The following NBPF11 variants were observed in gnomAD, a reference collection of about 807,000 sequenced individuals.
NBPF11 encodes the protein NBPF member 11, also known as NBPF family member NBPF11.
A neutral mutation model predicts 93.9 loss-of-function variants in NBPF11; 72 were observed. The observed-to-expected ratio is 0.77, with a 90% CI of 0.63 to 0.93. The LOEUF (loss-of-function observed/expected upper bound fraction) is 0.93. Ranked by LOEUF, NBPF11 falls within the 40% of genes least tolerant of loss-of-function variation. NBPF11 has a pLI of 0.00. For missense variants in NBPF11, 705 were observed against 802.2 expected, an observed-to-expected ratio of 0.88 and a Z score of 1.46; for synonymous variants, 224 against 304.9, an observed-to-expected ratio of 0.73 and a Z score of 2.76.
intron 11 of NBPF11, among the ~76,000 whole-genome samples, chr1:148,118,361 T>G (rs1371015744): frequency 5.3e-5 from 8 of 151,808 alleles, no homozygotes; most frequent in South Asian, 4.1e-4. Flanking sequence ...CTCCTTTGGT[T>G]AATTTTGTGT....
rs1662823687 is a variant in NBPF11 at position 148,103,716 on chromosome 1, T to C, written c.*180A>G. The C allele has an allele frequency of 5.0e-6, 8 of 1,611,412 alleles. No homozygotes were observed. Among genetic ancestry groups the C allele is most frequent in the Non-Finnish European group, 6.8e-6 (8 of 1,179,348 alleles). On this transcript the variant is annotated 3_prime_UTR_variant, in exon 24 of 24. Coordinates refer to ENST00000682118, the MANE Select transcript of NBPF11 (RefSeq NM_001385469.3). ...ATCTGGAAGACCAGGTGGAGACTTC[T>C]CACCGTCAAAGTAAAAAACCTATTG... is the stretch of plus-strand genomic sequence containing the variant.
intron 20 of NBPF11, among the ~76,000 whole-genome samples, 176 bp downstream of exon 20, chr1:148,106,766 A>G (rs1663738396): frequency 6.7e-6 from 1 of 148,258 alleles, no homozygotes; most frequent in Admixed American, 6.8e-5. Context: ...TCACTGACCC[A>G]TTTCATGTCT....
chr1:148,123,232 C>G (rs1402685937), intron 7 of NBPF11, among the ~76,000 whole-genome samples: 1 of 152,062 alleles, frequency 6.6e-6, no homozygotes, highest in Non-Finnish European at 1.5e-5. Context: ...ACAGGCCCTC[C>G]ATGTGGCTTC....
At position 148,107,007 on chromosome 1, in the gene NBPF11, T is replaced by C; in HGVS notation, c.2186A>G (p.Gln729Arg). The C allele has an allele frequency of 2.8e-6, 2 of 705,748 alleles. No homozygotes were observed. Among genetic ancestry groups the C allele is most frequent in the South Asian group, 1.5e-5 (1 of 67,042 alleles). The allele number at this position is 705,748 out of a possible 1,614,324, so 43.7% of individuals were successfully genotyped here. Residue 729 changes from glutamine to arginine, a missense_variant, in exon 20 of 24, where the codon CAG becomes CGG. Physicochemically the swap from Gln to Arg is conservative, Grantham distance 43. This residue lies in a region of NBPF11 where 5 missense variants were observed against 30.0 expected (regional missense o/e 0.17). Coordinates refer to ENST00000682118, the MANE Select transcript of NBPF11 (RefSeq NM_001385469.3). ...SGYLELPDLG[Q>R]PYRSAVYSLE... ...TGAGTAAACAGCACTTCTGTAGGGC[T>C]GGCCTAAGTCAGGCAGTTCAAGATA... is the stretch of plus-strand genomic sequence containing the variant.
At chr1:148,116,922 C>A (rs1421492292) in intron 12 of NBPF11, among the ~76,000 whole-genome samples, 5 of 152,190 alleles carry the variant, frequency 3.3e-5, no homozygotes, top group Non-Finnish European at 1.5e-5. Context: ...GCAAACTTGT[C>A]CCACAGTCCT....
At chr1:148,104,002 G>A (rs1278821107) in intron 23 of NBPF11, 90 bp from the exon 24 acceptor site, 3 of 1,607,970 alleles carry the variant, frequency 1.9e-6, no homozygotes, top group Admixed American at 1.7e-5. Flanking sequence ...TAAGGAAGTG[G>A]TTGGAAAAGA....
intron 15 of NBPF11, among the ~76,000 whole-genome samples, chr1:148,111,354 G>T (rs1229131807): frequency 2.6e-5 from 4 of 151,998 alleles, no homozygotes; most frequent in Non-Finnish European, 5.9e-5. Context: ...TCCTCCAAAG[G>T]ATCGCAGCTC....
chr1:148,140,110 G>A (rs1392805305), intron 2 of NBPF11, among the ~76,000 whole-genome samples: 5 of 151,886 alleles, frequency 3.3e-5, no homozygotes, highest in African/African-American at 9.7e-5. Flanking sequence ...AAAAGAATAC[G>A]GAGCCCAGAA....
chr1:148,146,910 C>A, intron 1 of NBPF11: 2 of 1,612,228 alleles, frequency 1.2e-6, no homozygotes, highest in Non-Finnish European at 1.7e-6. Flanking sequence ...CCTGGCAGGC[C>A]CTGCGCACCA....
intron 19 of NBPF11, among the ~76,000 whole-genome samples, 199 bp from the exon 20 acceptor site, chr1:148,107,313 GGAGA>G (rs1190300045): frequency 1.3e-5 from 2 of 148,406 alleles, no homozygotes; most frequent in African/African-American, 2.5e-5. Context: ...ACAGGGAGAG[GGAGA>G]GAGAGAGAGA....
At position 148,143,488 on chromosome 1, in the gene NBPF11, T is replaced by C. The variant is rs1253221817; in HGVS notation, c.-350A>G. ...CTCTTGGTGCACTGAATGGGTAAGT[T>C]TCTACATCGGTGCCTCGGAGAGTCC... On this transcript the variant is annotated 5_prime_UTR_variant, in exon 2 of 24. Coordinates refer to ENST00000682118, the MANE Select transcript of NBPF11 (RefSeq NM_001385469.3). The C allele has an allele frequency of 7.9e-4, 612 of 769,868 alleles. 18 individuals carry two copies. The African/African-American group carries it at 0.011, about 14-fold the overall frequency. The allele number at this position is 769,868 out of a possible 1,614,324, so 47.7% of individuals were successfully genotyped here.
At chr1:148,142,253 C>A (rs1457798905) in intron 2 of NBPF11, among the ~76,000 whole-genome samples, 12 of 151,862 alleles carry the variant, frequency 7.9e-5, no homozygotes, top group Non-Finnish European at 1.6e-4. Flanking sequence ...TTTCCATTAA[C>A]AGGAACATGC....
intron 1 of NBPF11, among the ~76,000 whole-genome samples, chr1:148,144,397 A>AC (rs1672662160): frequency 6.6e-6 from 1 of 151,004 alleles, no homozygotes; most frequent in South Asian, 2.1e-4. Context: ...GATGGTGAAA[A>AC]CCGTGACACT....
chr1:148,136,746 C>T (rs1404283587), intron 3 of NBPF11, among the ~76,000 whole-genome samples: 150 of 151,906 alleles, frequency 9.9e-4, no homozygotes, highest in Non-Finnish European at 1.6e-3. Context: ...TATGCCTGTC[C>T]CATCATTTCA....
chr1:148,105,794 C>A (rs1327273045), intron 21 of NBPF11, among the ~76,000 whole-genome samples: 1 of 112,264 alleles, frequency 8.9e-6, no homozygotes, highest in African/African-American at 4.3e-5. Context: ...AGAGAGAAAA[C>A]GAGCTCAGTG....
chr1:148,115,494 A>G (rs1422794454), intron 14 of NBPF11, among the ~76,000 whole-genome samples: 1 of 151,202 alleles, frequency 6.6e-6, no homozygotes, highest in Non-Finnish European at 1.5e-5. Context: ...TGACTAAATC[A>G]CAGATGACAA....
chr1:148,108,879 A>ACACT (rs1664525327), intron 17 of NBPF11, among the ~76,000 whole-genome samples: 2 of 146,616 alleles, frequency 1.4e-5, no homozygotes, highest in African/African-American at 2.5e-5. Flanking sequence ...ACACACACAC[A>ACACT]CACACACACA....
intron 3 of NBPF11, among the ~76,000 whole-genome samples, chr1:148,136,843 T>C (rs1410790164): frequency 6.6e-6 from 1 of 151,972 alleles, no homozygotes; most frequent in Non-Finnish European, 1.5e-5. Flanking sequence ...TAATGGACAC[T>C]CTCGGAAGCC....
At chr1:148,123,635 C>A (rs2149241988) in intron 7 of NBPF11, among the ~76,000 whole-genome samples, 2 of 151,960 alleles carry the variant, frequency 1.3e-5, no homozygotes, top group Admixed American at 1.3e-4. Flanking sequence ...CCAAAGACCA[C>A]CTTCCATCAA....
Sources: allele counts gnomAD v4.1 joint callset (sites outside exome capture counted in the v4.1 genomes callset), GRCh38; gene constraint gnomAD v4.1.1; regional missense constraint gnomAD v4.1.1; transcripts MANE v1.5; gene names NCBI Gene and HGNC (gene_info 2026-07-23, HGNC 2026-07-21).